The following COL21A1 variants were observed in gnomAD, a reference collection of about 807,000 sequenced individuals.
COL21A1 encodes the protein collagen type XXI alpha 1 chain, also known as collagen alpha-1(XXI) chain.
A neutral mutation model predicts 137.9 loss-of-function variants in COL21A1; 149 were observed. The observed-to-expected ratio is 1.08, with a 90% CI of 0.95 to 1.24. COL21A1 has a LOEUF of 1.24. Among genes scored for constraint, COL21A1 ranks in the 50% most tolerant of loss-of-function variants. The probability of loss-of-function intolerance (pLI) is 0.00; values close to 1 mark genes in which losing one functional copy is unlikely to be tolerated. For synonymous variants in COL21A1, 456 were observed against 391.5 expected (o/e 1.16, Z -1.95); for missense variants, 1,167 against 1,158.4 (o/e 1.01, Z -0.11).
intron 1 of COL21A1, among the ~76,000 whole-genome samples, chr6:56,334,066 G>T (rs900588416): frequency 1.5e-5 from 1 of 65,946 alleles, no homozygotes; most frequent in Admixed American, 1.9e-4. Flanking sequence ...TCATCAGGTA[G>T]CTAAGAGCTA....
rs540071577 is a variant in COL21A1 at position 56,329,989 on chromosome 6, A to C, written c.-39+63982T>G. ...AAGTATCATACCACAAACTAATTTC[A>C]TAAAAACTAAAATTATCTGCTCTTC... On this transcript the variant is annotated intron_variant, in intron 1 of 28. Coordinates refer to the COL21A1 transcript ENST00000370819. Among the ~76,000 whole-genome samples, 34 of 152,240 alleles carry C rather than the reference A, an allele frequency of 2.2e-4. 1 individual carries two copies. In the South Asian group the frequency reaches 5.4e-3, roughly 24 times the overall value.
At chr6:56,086,055 T>C (rs906734534) in intron 17 of COL21A1, among the ~76,000 whole-genome samples, 3 of 151,358 alleles carry the variant, frequency 2.0e-5, no homozygotes, top group African/African-American at 4.8e-5. Context: ...GGTATTAAGC[T>C]TGGATTGTCA....
intron 16 of COL21A1, among the ~76,000 whole-genome samples, chr6:56,113,394 T>A (rs1007981555): frequency 6.6e-6 from 1 of 151,958 alleles, no homozygotes; most frequent in African/African-American, 2.4e-5. Flanking sequence ...CTGGCCAGAG[T>A]CAAGAGGCCC....
At chr6:56,180,405 T>C (rs1390519445) in intron 2 of COL21A1, among the ~76,000 whole-genome samples, 1 of 152,228 alleles carries the variant, frequency 6.6e-6, no homozygotes, top group African/African-American at 2.4e-5. Context: ...AAAAGTTAAA[T>C]GAACCAAGAT....
intron 1 of COL21A1, among the ~76,000 whole-genome samples, chr6:56,301,242 T>C (rs1336120580): frequency 6.6e-6 from 1 of 152,058 alleles, no homozygotes; most frequent in Non-Finnish European, 1.5e-5. Context: ...GTGGGCCCAA[T>C]GGAATCAAAA....
intron 17 of COL21A1, among the ~76,000 whole-genome samples, chr6:56,089,789 T>TA (rs1348856178): frequency 5.9e-5 from 9 of 152,360 alleles, no homozygotes; most frequent in African/African-American, 2.2e-4. Context: ...TTCTAAGAAT[T>TA]AATCATACAT....
intron 1 of COL21A1, among the ~76,000 whole-genome samples, chr6:56,304,056 C>G (rs1253340155): frequency 6.6e-6 from 1 of 152,186 alleles, no homozygotes; most frequent in African/African-American, 2.4e-5. Context: ...ATATGTTGAA[C>G]CAGCCTTGCA....
chr6:56,326,278 A>T (rs962407621), intron 1 of COL21A1, among the ~76,000 whole-genome samples: 1 of 151,338 alleles, frequency 6.6e-6, no homozygotes, highest in Non-Finnish European at 1.5e-5. Flanking sequence ...TAATCAATGG[A>T]GGTTATTTTG....
chr6:56,341,180 T>C (rs1170493172), intron 1 of COL21A1, among the ~76,000 whole-genome samples: 1 of 149,256 alleles, frequency 6.7e-6, no homozygotes, highest in Non-Finnish European at 1.5e-5. Context: ...AATAAGAAAT[T>C]TAAAACTGAA....
intron 16 of COL21A1, among the ~76,000 whole-genome samples, chr6:56,121,536 A>G (rs1772517976): frequency 7.9e-6 from 1 of 127,360 alleles, no homozygotes; most frequent in Admixed American, 8.3e-5. Context: ...ATATACATAT[A>G]TATGTATATT....
intron 12 of COL21A1, among the ~76,000 whole-genome samples, chr6:56,134,007 C>T (rs1225097887): frequency 1.3e-5 from 2 of 152,292 alleles, no homozygotes; most frequent in East Asian, 1.9e-4. Context: ...GGGGTTGGAG[C>T]CCCCAGAGTC....
At chr6:56,280,780 A>G (rs550235749) in intron 1 of COL21A1, among the ~76,000 whole-genome samples, 19 of 152,224 alleles carry the variant, frequency 1.2e-4, no homozygotes, top group African/African-American at 2.9e-4. Context: ...TGGGAGGTCA[A>G]TGTGGGTGGA....
At chr6:56,058,208 T>G (rs1765496374) in intron 29 of COL21A1, among the ~76,000 whole-genome samples, 1 of 152,192 alleles carries the variant, frequency 6.6e-6, no homozygotes, top group African/African-American at 2.4e-5. Context: ...AGGTGATACC[T>G]ACGTAAGCCA....
intron 20 of COL21A1, among the ~76,000 whole-genome samples, chr6:56,072,021 G>A (rs1766799952): frequency 6.6e-6 from 1 of 151,400 alleles, no homozygotes. Context: ...CTCTCCCTGT[G>A]TCCATGTGTT....
At chr6:56,199,290 C>T (rs1019591457) in intron 1 of COL21A1, among the ~76,000 whole-genome samples, 2 of 147,980 alleles carry the variant, frequency 1.4e-5, no homozygotes, top group Non-Finnish European at 3.0e-5. Flanking sequence ...ATATGGAATT[C>T]TGTTTTTTTT....
At position 56,180,111 on chromosome 6, in the gene COL21A1, G is replaced by C. The variant is rs1777786270; in HGVS notation, c.107C>G (p.Thr36Arg). ...EVRSSCRTAP[T>R]DLVFILDGSY... ...GCCATCTAAGATGAAAACTAAATCT[G>C]TCGGAGCAGTACGACAACCTAAGTG... is the stretch of plus-strand genomic sequence containing the variant. The change falls in exon 3 of 30, where the codon ACA becomes AGA. Residue 36 changes from threonine to arginine, a missense_variant. Physicochemically the swap from Thr to Arg is moderately conservative, Grantham distance 71. Transcript: ENST00000244728. 1.2e-6 allele frequency: 2 copies of C among 1,612,144 alleles called. No individual in the cohort carries two copies. The highest frequency in any genetic ancestry group is 1.7e-6 in the Non-Finnish European group (2 of 1,179,220).
chr6:56,290,926 T>C (rs1764026900), intron 1 of COL21A1, among the ~76,000 whole-genome samples: 1 of 152,192 alleles, frequency 6.6e-6, no homozygotes, highest in African/African-American at 2.4e-5. Flanking sequence ...GATTCAAATG[T>C]GCAGCCAAAT....
intron 1 of COL21A1, among the ~76,000 whole-genome samples, chr6:56,265,734 A>C (rs990987800): frequency 6.6e-6 from 1 of 152,336 alleles, no homozygotes. Flanking sequence ...TTCCATGTTC[A>C]AAAGGATTTT....
At chr6:56,082,399 G>A (rs1156921858) in intron 17 of COL21A1, among the ~76,000 whole-genome samples, 2 of 152,048 alleles carry the variant, frequency 1.3e-5, no homozygotes, top group East Asian at 3.9e-4. Flanking sequence ...TTTTGAAAGA[G>A]AAATTTCCAA....
Sources: allele counts gnomAD v4.1 joint callset (sites outside exome capture counted in the v4.1 genomes callset), GRCh38; gene constraint gnomAD v4.1.1; transcripts MANE v1.5; gene names NCBI Gene and HGNC (gene_info 2026-07-23, HGNC 2026-07-21).